The following NPAS3 variants were observed in gnomAD, a reference collection of about 807,000 sequenced individuals.
NPAS3 encodes the protein neuronal PAS domain protein 3.
In NPAS3, 14 loss-of-function variants were observed where a neutral mutation model predicts 73.1. That is an observed-to-expected ratio of 0.19 (90% CI 0.13 to 0.30). The LOEUF (loss-of-function observed/expected upper bound fraction) is 0.30. Among genes scored for constraint, NPAS3 ranks in the 10% least tolerant of loss-of-function variants. NPAS3 has a pLI of 1.00. For missense variants in NPAS3, 1,096 were observed against 1,250.0 expected (o/e 0.88, Z 1.86); for synonymous variants, 620 against 541.5 (o/e 1.14, Z -2.01).
chr14:33,779,236 G>T, intron 9 of NPAS3, among the ~76,000 whole-genome samples: 1 of 152,222 alleles, frequency 6.6e-6, no homozygotes, highest in Non-Finnish European at 1.5e-5. Flanking sequence ...TTCTGTGCAT[G>T]TGAGCAAAGC....
intron 3 of NPAS3, among the ~76,000 whole-genome samples, chr14:33,360,830 T>G (rs963622193): frequency 6.6e-6 from 1 of 152,168 alleles, no homozygotes; most frequent in African/African-American, 2.4e-5. Flanking sequence ...ATTTCCCTCA[T>G]GTACCCTACT....
intron 11 of NPAS3, among the ~76,000 whole-genome samples, chr14:33,799,304 G>T (rs1438008037): frequency 6.6e-6 from 1 of 152,122 alleles, no homozygotes; most frequent in Non-Finnish European, 1.5e-5. Context: ...AAGTCACCTT[G>T]CATGCCATCA....
At chr14:33,715,118 A>T (rs1440784740) in intron 6 of NPAS3, among the ~76,000 whole-genome samples, 1 of 152,188 alleles carries the variant, frequency 6.6e-6, no homozygotes, top group Admixed American at 6.5e-5. Context: ...AGCTTGAGCC[A>T]ATTAGTTAAA....
At chr14:33,049,976 T>C (rs988279120) in intron 1 of NPAS3, among the ~76,000 whole-genome samples, 4 of 152,214 alleles carry the variant, frequency 2.6e-5, no homozygotes, top group Non-Finnish European at 4.4e-5. Flanking sequence ...AGGTTTCTTA[T>C]CATGTAAAGC....
Position 33,457,685 on chromosome 14 carries a change from ATG to A in NPAS3, c.468+90418_468+90419del, listed in dbSNP as rs1158047421. On this transcript the variant is annotated intron_variant, in intron 4 of 11. Coordinates refer to ENST00000356141, the Ensembl canonical transcript of NPAS3. ...GTCCCCACAAACCCATGTCCCAGAC[ATG>A]CTTCCCCACTCCAAATGACTGGGTC... Among the ~76,000 whole-genome samples, 41 of 152,298 alleles carry A rather than the reference ATG, an allele frequency of 2.7e-4. 1 individual carries two copies. Among genetic ancestry groups the A allele is most frequent in the African/African-American group, 9.6e-4 (40 of 41,572 alleles).
At chr14:33,481,287 A>G (rs1008755278) in intron 4 of NPAS3, among the ~76,000 whole-genome samples, 1 of 152,184 alleles carries the variant, frequency 6.6e-6, no homozygotes, top group African/African-American at 2.4e-5. Flanking sequence ...AAACGTCACA[A>G]AGTATCTTCA....
intron 3 of NPAS3, among the ~76,000 whole-genome samples, chr14:33,309,168 G>C (rs965425898): frequency 6.6e-6 from 1 of 152,192 alleles, no homozygotes; most frequent in Non-Finnish European, 1.5e-5. Context: ...TTTGAAGGAA[G>C]TTGTTTGTTT....
chr14:33,024,142 A>ATGTGTGTGTGTGTGTGTG (rs5807700), intron 1 of NPAS3, among the ~76,000 whole-genome samples: 1 of 143,164 alleles, frequency 7.0e-6, no homozygotes, highest in African/African-American at 2.8e-5. Context: ...GTGTGTGTAT[A>ATGTGTGTGTGTGTGTGTG]TGTGTGTGTG....
chr14:33,331,176 C>G (rs1435001657), intron 3 of NPAS3, among the ~76,000 whole-genome samples: 1 of 152,054 alleles, frequency 6.6e-6, no homozygotes, highest in East Asian at 1.9e-4. Context: ...TCATCAGTAC[C>G]GAGACATTTT....
intron 4 of NPAS3, among the ~76,000 whole-genome samples, chr14:33,549,301 G>A (rs970065319): frequency 6.6e-6 from 1 of 151,978 alleles, no homozygotes; most frequent in Non-Finnish European, 1.5e-5. Flanking sequence ...GCACAATCTC[G>A]GCTCACTGCA....
intron 2 of NPAS3, among the ~76,000 whole-genome samples, chr14:33,161,822 G>GT (rs1404677953): frequency 6.6e-6 from 1 of 152,230 alleles, no homozygotes; most frequent in African/African-American, 2.4e-5. Context: ...AAGGAAACAA[G>GT]TAGGGGTTGA....
In NPAS3 at chr14:33,658,730, G is replaced by A. The variant is rs76572128; in HGVS notation, c.559-17481G>A. On this transcript the variant is annotated intron_variant, in intron 5 of 11. Transcript: ENST00000356141. ...GGAAACCACACTGTTCATTAGAGAT[G>A]CAAAGACTCTGTGATCCCTGTGGAT... Among the ~76,000 whole-genome samples the A allele has an allele frequency of 3.7e-3, 557 of 152,262 alleles. 2 individuals are homozygous for A. Among genetic ancestry groups the A allele is most frequent in the African/African-American group, 0.013 (521 of 41,548 alleles).
chr14:32,985,056 C>T (rs748394840), intron 1 of NPAS3, among the ~76,000 whole-genome samples: 8 of 152,094 alleles, frequency 5.3e-5, no homozygotes, highest in Non-Finnish European at 1.0e-4. Context: ...TTCTTTCATA[C>T]TGGGAGTTCT....
chr14:33,769,762 T>TTTTC (rs2062589220), intron 7 of NPAS3, among the ~76,000 whole-genome samples: 1 of 127,720 alleles, frequency 7.8e-6, no homozygotes, highest in Non-Finnish European at 1.7e-5. Flanking sequence ...TTTTCTTTTT[T>TTTTC]TTTTTTTTTT....
chr14:33,198,171 G>C (rs1291204036), intron 2 of NPAS3, among the ~76,000 whole-genome samples: 4 of 152,204 alleles, frequency 2.6e-5, no homozygotes, highest in African/African-American at 4.8e-5. Flanking sequence ...CATAAAGTCA[G>C]TGCGGACCCA....
At chr14:33,467,274 G>A (rs1185678130) in intron 4 of NPAS3, among the ~76,000 whole-genome samples, 1 of 152,144 alleles carries the variant, frequency 6.6e-6, no homozygotes, top group Non-Finnish European at 1.5e-5. Context: ...CATGTGCCAG[G>A]TCACATAAGG....
chr14:33,029,109 G>A (rs1222503917), intron 1 of NPAS3, among the ~76,000 whole-genome samples: 1 of 152,158 alleles, frequency 6.6e-6, no homozygotes, highest in Admixed American at 6.5e-5. Context: ...GCCTGGAGTG[G>A]GGGAAGAACA....
chr14:33,171,521 C>G (rs1369864302), intron 2 of NPAS3, among the ~76,000 whole-genome samples: 2 of 152,328 alleles, frequency 1.3e-5, no homozygotes, highest in South Asian at 2.1e-4. Flanking sequence ...CCTCTGCTAG[C>G]TTGCAACTTT....
chr14:33,182,866 A>G (rs1034924843), intron 2 of NPAS3, among the ~76,000 whole-genome samples: 5 of 152,094 alleles, frequency 3.3e-5, no homozygotes, highest in Admixed American at 6.5e-5. Context: ...GAAAATTTCC[A>G]CTTCTTTATA....
Sources: allele counts gnomAD v4.1 joint callset (sites outside exome capture counted in the v4.1 genomes callset), GRCh38; gene constraint gnomAD v4.1.1; transcripts MANE v1.5; gene names NCBI Gene and HGNC (gene_info 2026-07-23, HGNC 2026-07-21).